Variants in LPIN1 observed in about 807,000 individuals in gnomAD.
LPIN1 encodes the protein phosphatidate phosphatase LPIN1.
LPIN1 carries 71 observed loss-of-function variants against 107.5 expected under a neutral mutation model. The ratio of observed to expected loss-of-function variants is 0.66; its 90% CI spans 0.55 to 0.80. The LOEUF is 0.80. LPIN1 is among the 30% of genes least tolerant of loss of function. LPIN1 has a pLI of 0.00. For missense variants in LPIN1, 1,043 were observed against 1,160.6 expected (o/e 0.90, Z 1.47); for synonymous variants, 445 against 452.6 (o/e 0.98, Z 0.21).
upstream of LPIN1, chr2:11,742,280 T>A (rs768838300): frequency 6.6e-6 from 1 of 152,204 alleles, no homozygotes; most frequent in Non-Finnish European, 1.5e-5. Context: ...ACCTCTTCTA[T>A]GTTTAGATAA....
chr2:11,730,319 ATT>A (rs1488756564), intron 1 of LPIN1, among the ~76,000 whole-genome samples: 2 of 152,198 alleles, frequency 1.3e-5, no homozygotes, highest in African/African-American at 4.8e-5. Context: ...TGTTTCTGAC[ATT>A]TTGACTTGGT....
chr2:11,699,344 A>T (rs1662746717), intron 1 of LPIN1, among the ~76,000 whole-genome samples: 1 of 152,200 alleles, frequency 6.6e-6, no homozygotes, highest in South Asian at 2.1e-4. Context: ...TGTAGTTGAA[A>T]ACAGTGAGAT....
At chr2:11,779,407 G>T (rs530138304) in intron 6 of LPIN1, 112 bp from the exon 7 acceptor site, 10 of 1,169,830 alleles carry the variant, frequency 8.5e-6, no homozygotes, top group Admixed American at 5.3e-5. Context: ...CGCTCAGAGC[G>T]AACGACAGCT....
chr2:11,805,405 C>G, intron 17 of LPIN1: 2 of 592,780 alleles, frequency 3.4e-6, no homozygotes, highest in South Asian at 3.9e-5. Flanking sequence ...ACTAGGAGAA[C>G]ACAGATGGTG....
At chr2:11,779,982 G>C (rs755112402) in intron 7 of LPIN1, among the ~76,000 whole-genome samples, 3 of 151,982 alleles carry the variant, frequency 2.0e-5, no homozygotes, top group Non-Finnish European at 1.5e-5. Flanking sequence ...CCAGGTTCAA[G>C]CGATTCTCCT....
chr2:11,728,885 G>A (rs1664924230), intron 1 of LPIN1, among the ~76,000 whole-genome samples: 1 of 151,910 alleles, frequency 6.6e-6, no homozygotes, highest in Admixed American at 6.6e-5. Flanking sequence ...GTTCCTTGTA[G>A]ATTCTGGATA....
At chr2:11,795,287 T>C in intron 13 of LPIN1, 121 bp from the exon 14 acceptor site, 1 of 809,394 alleles carries the variant, frequency 1.2e-6, no homozygotes, top group Non-Finnish European at 2.1e-6. Context: ...AGGGTGGGCG[T>C]CATTGGGGAA....
intron 1 of LPIN1, among the ~76,000 whole-genome samples, chr2:11,681,992 GCCTGTGTGGGCTGCCC>G (rs1222191649): frequency 1.3e-5 from 2 of 152,190 alleles, no homozygotes; most frequent in Non-Finnish European, 2.9e-5. Flanking sequence ...CCCCTGAAAT[GCCTGTGTGGGCTGCCC>G]CCTGGTCCTG....
chr2:11,787,268 A>G, intron 11 of LPIN1, 101 bp downstream of exon 11: 1 of 866,588 alleles, frequency 1.2e-6, no homozygotes, highest in Non-Finnish European at 1.9e-6. Context: ...TATATAAAAT[A>G]AAGACTTTGC....
chr2:11,693,788 G>GTATATATATATATA (rs869167624), intron 1 of LPIN1, among the ~76,000 whole-genome samples: 4 of 40,986 alleles, frequency 9.8e-5, no homozygotes, highest in African/African-American at 3.8e-4. Flanking sequence ...GTGTGAGTGT[G>GTATATATATATATA]TATATATATA....
chr2:11,808,822 G>GAA (rs1241974339), intron 17 of LPIN1, among the ~76,000 whole-genome samples: 11 of 147,926 alleles, frequency 7.4e-5, no homozygotes, highest in Non-Finnish European at 1.6e-4. Context: ...AGTGAGCCGA[G>GAA]ATCGCACCAT....
intron 20 of LPIN1, among the ~76,000 whole-genome samples, chr2:11,821,351 T>C (rs1162781501): frequency 1.3e-5 from 2 of 152,156 alleles, no homozygotes; most frequent in Non-Finnish European, 1.5e-5. Flanking sequence ...ACCCCGTCTC[T>C]CCTAAAAATA....
chr2:11,809,331 G>C (rs59208217), intron 17 of LPIN1, among the ~76,000 whole-genome samples: 22,043 of 152,136 alleles, frequency 0.14, 1,784 homozygotes, highest in Middle Eastern at 0.2. Flanking sequence ...CGTGTTTCCC[G>C]AGGTTCGTTA....
In LPIN1 at chr2:11,786,765, C is replaced by T. The variant is rs994940268; in HGVS notation, c.1550-309C>T. ...GCTTCTGCGCCATGCGTAGCCATGA[C>T]TCTGCCTGTGCAGATGCACGTGTGT... On this transcript the variant is annotated intron_variant, in intron 10 of 20. Transcript: ENST00000674199. This position sits in a 1 kb window ranked among gnomAD's most constrained non-coding sequence, Gnocchi z 4.1. Among the ~76,000 whole-genome samples, 4 of 152,230 alleles carry T rather than the reference C, an allele frequency of 2.6e-5. No homozygotes were observed. Among genetic ancestry groups the T allele is most frequent in the African/African-American group, 9.6e-5 (4 of 41,460 alleles).
upstream of LPIN1, chr2:11,746,608 C>T (rs865947623): frequency 5.1e-6 from 5 of 984,960 alleles, no homozygotes; most frequent in African/African-American, 1.7e-5. Flanking sequence ...AGGCGAGCTG[C>T]GCTGACAGCC....
chr2:11,742,137 C>G (rs888836690), upstream of LPIN1: 4 of 152,156 alleles, frequency 2.6e-5, no homozygotes, highest in African/African-American at 9.7e-5. Context: ...CCCTAGACTT[C>G]GTGCACCTGA....
At chr2:11,776,234 G>T in intron 6 of LPIN1, 41 bp downstream of exon 6, 1 of 1,292,486 alleles carries the variant, frequency 7.7e-7, no homozygotes, top group Non-Finnish European at 1.1e-6. Context: ...ATTCAATAAT[G>T]AAAAATTTGA....
In LPIN1 at chr2:11,758,476, T is replaced by C. The variant is rs542163035; in HGVS notation, c.-9-7057T>C. On this transcript the variant is annotated intron_variant, in intron 1 of 20. Transcript: ENST00000674199. Reference sequence around the variant, plus strand: ...TAAATAGTAGCCATCTTAATAGATGTGAGGTGGTGGTATTCACCCTTTTAA... The same window carrying C: ...TAAATAGTAGCCATCTTAATAGATGCGAGGTGGTGGTATTCACCCTTTTAA... 2.0e-5 allele frequency among the ~76,000 whole-genome samples: 3 copies of C among 152,190 alleles called. No homozygotes were observed. In the East Asian group the frequency reaches 5.8e-4, roughly 29 times the overall value.
chr2:11,710,042 T>C (rs2148523100), intron 1 of LPIN1, among the ~76,000 whole-genome samples: 1 of 152,290 alleles, frequency 6.6e-6, no homozygotes, highest in Admixed American at 6.5e-5. Context: ...CTTCATTGAG[T>C]ATCTGCCGTG....
Sources: gnomAD v4.1 joint callset for allele counts (sites outside exome capture counted in the v4.1 genomes callset) on GRCh38, gnomAD v4.1.1 for gene constraint, Gnocchi (gnomAD v3.1) non-coding constraint, MANE v1.5 for transcripts, NCBI Gene and HGNC (gene_info 2026-07-23, HGNC 2026-07-21) for gene names.